SLC25A21: variants seen among roughly 807,000 people sequenced by gnomAD.
The protein encoded by SLC25A21 is mitochondrial 2-oxodicarboxylate carrier.
A neutral mutation model predicts 43.8 loss-of-function variants in SLC25A21; 47 were observed. The observed-to-expected ratio is 1.07, with a 90% CI of 0.85 to 1.37. SLC25A21 has a LOEUF of 1.37. Among genes scored for constraint, SLC25A21 ranks in the 40% most tolerant of loss-of-function variants. SLC25A21 has a pLI of 0.00. For missense variants in SLC25A21, 352 were observed against 350.2 expected, an observed-to-expected ratio of 1.00 and a Z score of -0.04; for synonymous variants, 131 against 121.3, an observed-to-expected ratio of 1.08 and a Z score of -0.52.
chr14:36,900,996 C>A (rs907186652), intron 1 of SLC25A21, among the ~76,000 whole-genome samples: 1 of 152,166 alleles, frequency 6.6e-6, no homozygotes, highest in Admixed American at 6.5e-5. Context: ...GTGAAATTTC[C>A]GTTCTCAAGC....
At position 36,679,160 on chromosome 14, in the gene SLC25A21, C is replaced by A. The variant is rs951426974; in HGVS notation, c.*1498G>T. ...GCAAGGATAGAATGCAGTTGTGCAA[C>A]AGAGACACATTCTTATTTCTTTTTT... On this transcript the variant is annotated 3_prime_UTR_variant, in exon 10 of 10. Transcript: ENST00000331299. 3 of 985,230 alleles carry A rather than the reference C, an allele frequency of 3.0e-6. No individual in the cohort carries two copies. The highest frequency in any genetic ancestry group is 1.7e-5 in the African/African-American group (1 of 57,222). The allele number at this position is 985,230 out of a possible 1,614,324, so 61.0% of individuals were successfully genotyped here.
chr14:36,693,019 T>C (rs1882856268), intron 7 of SLC25A21, among the ~76,000 whole-genome samples: 2 of 152,226 alleles, frequency 1.3e-5, no homozygotes, highest in South Asian at 4.1e-4. Flanking sequence ...AGCACATCAC[T>C]ATCACAATAG....
intron 1 of SLC25A21, among the ~76,000 whole-genome samples, chr14:36,897,497 C>T (rs1337623229): frequency 6.6e-6 from 1 of 152,132 alleles, no homozygotes; most frequent in African/African-American, 2.4e-5. Flanking sequence ...TCCTTTAGCT[C>T]AGAGTAGTTT....
At chr14:36,730,196 C>T (rs549782257) in intron 4 of SLC25A21, among the ~76,000 whole-genome samples, 4 of 152,258 alleles carry the variant, frequency 2.6e-5, no homozygotes, top group East Asian at 3.9e-4. Flanking sequence ...TGATGAAGAT[C>T]GTGAAGGTAT....
intron 3 of SLC25A21, among the ~76,000 whole-genome samples, chr14:36,780,075 C>T (rs1340459565): frequency 6.6e-6 from 1 of 151,866 alleles, no homozygotes; most frequent in Non-Finnish European, 1.5e-5. Context: ...TCTTAGTAGG[C>T]TGTAAATTTT....
intron 3 of SLC25A21, among the ~76,000 whole-genome samples, chr14:36,794,071 A>G (rs749630673): frequency 6.6e-6 from 1 of 152,190 alleles, no homozygotes; most frequent in Admixed American, 6.5e-5. Flanking sequence ...TACATAGTTA[A>G]CAGAGATGAA....
At chr14:37,053,910 GATA>G (rs746197529) in intron 1 of SLC25A21, among the ~76,000 whole-genome samples, 19 of 152,176 alleles carry the variant, frequency 1.2e-4, no homozygotes, top group Non-Finnish European at 1.9e-4. Context: ...TCCATGAAAT[GATA>G]ATACTTTTTT....
chr14:36,759,735 T>C (rs1460038568), intron 3 of SLC25A21: 2 of 152,242 alleles, frequency 1.3e-5, no homozygotes, highest in Non-Finnish European at 1.5e-5. Context: ...TCCCAGCATG[T>C]TGGGAGGCCA....
At chr14:36,803,964 TGGA>T (rs959088912) in intron 3 of SLC25A21, among the ~76,000 whole-genome samples, 9 of 152,298 alleles carry the variant, frequency 5.9e-5, no homozygotes, top group African/African-American at 2.2e-4. Context: ...AACTACTCTT[TGGA>T]GATGATTCTG....
chr14:36,884,716 C>A (rs1161591289), intron 1 of SLC25A21, among the ~76,000 whole-genome samples: 1 of 152,130 alleles, frequency 6.6e-6, no homozygotes, highest in Non-Finnish European at 1.5e-5. Context: ...ATTTGCATTT[C>A]TCTGATGATT....
intron 1 of SLC25A21, among the ~76,000 whole-genome samples, chr14:36,992,860 C>T (rs910030268): frequency 1.3e-5 from 2 of 152,170 alleles, no homozygotes; most frequent in East Asian, 3.9e-4. Flanking sequence ...CCCAGATCCA[C>T]TTAATCCCAT....
At chr14:37,047,021 T>C (rs1377325928) in intron 1 of SLC25A21, among the ~76,000 whole-genome samples, 3 of 152,230 alleles carry the variant, frequency 2.0e-5, no homozygotes, top group Non-Finnish European at 4.4e-5. Context: ...TCTAAGCAAC[T>C]ACTTAGTTGC....
At chr14:36,685,109 T>G (rs1327020025) in intron 7 of SLC25A21, among the ~76,000 whole-genome samples, 184 bp from the exon 8 acceptor site, 1 of 152,196 alleles carries the variant, frequency 6.6e-6, no homozygotes, top group Non-Finnish European at 1.5e-5. Flanking sequence ...ATTGGCTATG[T>G]TTTTACACAT....
intron 1 of SLC25A21, among the ~76,000 whole-genome samples, chr14:36,910,293 G>A (rs188149465): frequency 5.9e-5 from 9 of 152,226 alleles, no homozygotes; most frequent in Admixed American, 2.0e-4. Context: ...ATTACTTAGC[G>A]TCTATAAAGT....
At chr14:37,003,782 CCAGTTAT>C (rs1339941849) in intron 1 of SLC25A21, among the ~76,000 whole-genome samples, 1 of 152,164 alleles carries the variant, frequency 6.6e-6, no homozygotes, top group East Asian at 1.9e-4. Context: ...CTCTGGAGTG[CCAGTTAT>C]GTCTGTTTCT....
At chr14:36,980,097 G>C (rs1437646308) in intron 1 of SLC25A21, among the ~76,000 whole-genome samples, 5 of 152,304 alleles carry the variant, frequency 3.3e-5, no homozygotes, top group Non-Finnish European at 7.3e-5. Flanking sequence ...TACAGGCTGG[G>C]TGTACACAAT....
chr14:36,805,491 C>T (rs1032487466), intron 3 of SLC25A21, among the ~76,000 whole-genome samples: 7 of 152,176 alleles, frequency 4.6e-5, no homozygotes, highest in African/African-American at 1.7e-4. Flanking sequence ...TCATCATCTG[C>T]TCCCTGATTG....
chr14:36,861,835 T>C (rs1890073217), intron 2 of SLC25A21, among the ~76,000 whole-genome samples: 1 of 152,040 alleles, frequency 6.6e-6, no homozygotes, highest in African/African-American at 2.4e-5. Flanking sequence ...CCAAATTCTC[T>C]CTCCAAAAAC....
chr14:37,025,970 C>G (rs1415700335), intron 1 of SLC25A21, among the ~76,000 whole-genome samples: 1 of 152,070 alleles, frequency 6.6e-6, no homozygotes, highest in African/African-American at 2.4e-5. Context: ...CAGGCATGCA[C>G]TTATTTACAC....
Sources: gnomAD v4.1 joint callset for allele counts (sites outside exome capture counted in the v4.1 genomes callset) on GRCh38, gnomAD v4.1.1 for gene constraint, MANE v1.5 for transcripts, NCBI Gene and HGNC (gene_info 2026-07-23, HGNC 2026-07-21) for gene names.